Variants in CDC42SE2 observed in about 807,000 individuals in gnomAD.
The protein encoded by CDC42SE2 is CDC42 small effector protein 2.
A neutral mutation model predicts 11.5 loss-of-function variants in CDC42SE2; 3 were observed. The ratio of observed to expected loss-of-function variants is 0.26; its 90% CI spans 0.12 to 0.67. The LOEUF (loss-of-function observed/expected upper bound fraction) is 0.67. CDC42SE2 is among the 30% of genes least tolerant of loss of function. The pLI is 0.80. For synonymous variants in CDC42SE2, 33 were observed against 34.8 expected, an observed-to-expected ratio of 0.95 and a Z score of 0.18; for missense variants, 82 against 106.8, an observed-to-expected ratio of 0.77 and a Z score of 1.02.
chr5:131,229,765 C>G, the CDC42SE2 span, among the ~76,000 whole-genome samples: 2 of 152,116 alleles, frequency 1.3e-5, no homozygotes, highest in South Asian at 4.1e-4. Flanking sequence ...GAAACCCCAT[C>G]TCTATTAAGA....
At chr5:131,342,749 A>G (rs571134648) in intron 2 of CDC42SE2, among the ~76,000 whole-genome samples, 83 of 149,628 alleles carry the variant, frequency 5.5e-4, no homozygotes, top group Middle Eastern at 3.6e-3. Context: ...TTCTCGCTCT[A>G]TTACTCAGGT....
chr5:131,335,387 G>T (rs561657283), intron 2 of CDC42SE2, among the ~76,000 whole-genome samples: 1 of 152,060 alleles, frequency 6.6e-6, no homozygotes, highest in Non-Finnish European at 1.5e-5. Flanking sequence ...TTACTTCCAA[G>T]TATGTGGTCA....
chr5:131,351,470 G>T (rs962318396), intron 2 of CDC42SE2, among the ~76,000 whole-genome samples: 10 of 152,096 alleles, frequency 6.6e-5, no homozygotes, highest in Non-Finnish European at 1.3e-4. Context: ...TAGCCAGGAT[G>T]GTCTCGATCT....
At chr5:131,342,572 T>C (rs1406185256) in intron 2 of CDC42SE2, among the ~76,000 whole-genome samples, 1 of 151,566 alleles carries the variant, frequency 6.6e-6, no homozygotes, top group Non-Finnish European at 1.5e-5. Context: ...GTATTTTTAG[T>C]AGAGATGGGA....
intron 2 of CDC42SE2, among the ~76,000 whole-genome samples, chr5:131,334,584 C>T (rs1758507852): frequency 1.3e-5 from 2 of 152,160 alleles, no homozygotes; most frequent in African/African-American, 2.4e-5. Context: ...GGCTGTGAAT[C>T]TATGTGGTCC....
rs74341491 is a variant in CDC42SE2 at position 131,351,269 on chromosome 5, T to C, written c.-285-7940T>C. Among the ~76,000 whole-genome samples the C allele has an allele frequency of 9.8e-3, 1,485 of 151,846 alleles. 25 individuals carry two copies. Among genetic ancestry groups the C allele is most frequent in the African/African-American group, 0.034 (1,397 of 41,430 alleles). ...TCAGCCCTGATTTTCCTTTTTTTTTTCCTGAGACGGAGTCTCGCTCTGTTG... is the reference window on the plus strand; with the variant it reads ...TCAGCCCTGATTTTCCTTTTTTTTTCCCTGAGACGGAGTCTCGCTCTGTTG... On this transcript the variant is annotated intron_variant, in intron 2 of 4. Transcript: ENST00000505065.
At chr5:131,236,480 G>T in the CDC42SE2 span, among the ~76,000 whole-genome samples, 1 of 152,110 alleles carries the variant, frequency 6.6e-6, no homozygotes, top group East Asian at 1.9e-4. Flanking sequence ...AGGCTGGAGT[G>T]CAGTGGCATG....
chr5:131,336,763 C>T (rs1031747640), intron 2 of CDC42SE2, among the ~76,000 whole-genome samples: 3 of 152,158 alleles, frequency 2.0e-5, no homozygotes, highest in Admixed American at 6.5e-5. Flanking sequence ...TTGATCGCAT[C>T]GGTTACTGAG....
chr5:131,368,117 G>C (rs1749910421), intron 3 of CDC42SE2, among the ~76,000 whole-genome samples: 1 of 152,040 alleles, frequency 6.6e-6, no homozygotes, highest in Non-Finnish European at 1.5e-5. Flanking sequence ...GCTGGGCGTG[G>C]TGGCGGACGC....
rs1359156519 is a variant in CDC42SE2 at position 131,333,305 on chromosome 5, C to G, written c.-286+17161C>G. Among the ~76,000 whole-genome samples the G allele has an allele frequency of 2.6e-5, 4 of 152,174 alleles. No homozygotes were observed. The East Asian group carries it at 5.8e-4, about 22-fold the overall frequency. On this transcript the variant is annotated intron_variant, in intron 2 of 4. Coordinates refer to ENST00000505065, the MANE Select transcript of CDC42SE2 (RefSeq NM_001375635.1). ...ATGTGCGGCATTATTTCTGAGGGCT[C>G]TGCTCTGTTCCATTGGTCTATATCT...
At chr5:131,379,431 C>G (rs541252828) in intron 3 of CDC42SE2, among the ~76,000 whole-genome samples, 3 of 152,148 alleles carry the variant, frequency 2.0e-5, no homozygotes, top group Non-Finnish European at 2.9e-5. Flanking sequence ...TTTCTAGAAG[C>G]TACAGTTGAT....
chr5:131,303,444 A>C (rs768746986), intron 1 of CDC42SE2, among the ~76,000 whole-genome samples: 1 of 152,236 alleles, frequency 6.6e-6, no homozygotes, highest in African/African-American at 2.4e-5. Flanking sequence ...AAAGTACTCA[A>C]AATGTTACTG....
chr5:131,231,048 A>G, the CDC42SE2 span, among the ~76,000 whole-genome samples: 4 of 152,250 alleles, frequency 2.6e-5, no homozygotes, highest in Admixed American at 1.3e-4. Flanking sequence ...TTTTACGTAA[A>G]TGTTTATCAG....
At chr5:131,313,934 C>T (rs1286450704) in intron 1 of CDC42SE2, among the ~76,000 whole-genome samples, 4 of 152,094 alleles carry the variant, frequency 2.6e-5, no homozygotes, top group Non-Finnish European at 4.4e-5. Context: ...TTCAAGCGAT[C>T]CTCCTGCCTC....
intron 1 of CDC42SE2, among the ~76,000 whole-genome samples, chr5:131,312,876 T>C (rs536887295): frequency 6.6e-6 from 1 of 152,274 alleles, no homozygotes; most frequent in South Asian, 2.1e-4. Flanking sequence ...GTACCTCAGA[T>C]GGAAATGCAG....
chr5:131,376,116 G>C (rs545398943), intron 3 of CDC42SE2, among the ~76,000 whole-genome samples: 2 of 152,202 alleles, frequency 1.3e-5, no homozygotes, highest in South Asian at 2.1e-4. Context: ...GTGCATGCCT[G>C]TAATTCCAGC....
intron 4 of CDC42SE2, among the ~76,000 whole-genome samples, chr5:131,388,364 G>A (rs1028675320): frequency 6.6e-6 from 1 of 152,116 alleles, no homozygotes. Context: ...GAAAAATTAT[G>A]TTCTCCTATG....
At chr5:131,281,240 C>T (rs974554676) in intron 1 of CDC42SE2, among the ~76,000 whole-genome samples, 3 of 152,142 alleles carry the variant, frequency 2.0e-5, no homozygotes, top group Admixed American at 6.5e-5. Context: ...GTCTTTTTCT[C>T]TTCAGTAGCT....
In CDC42SE2 at chr5:131,342,388, C is replaced by CTTTTTTTTTTTTTTTTTTTTTTTTTT. The variant is rs35818778; in HGVS notation, c.-285-16802_-285-16801insTTTTTTTTTTTTTTTTTTTTTTTTTT. On this transcript the variant is annotated intron_variant, in intron 2 of 4. Transcript: ENST00000505065. ...TCAGAGATTTGCCATTTTTAATAGT[C>CTTTTTTTTTTTTTTTTTTTTTTTTTT]TTTTTTTTTTTTTTTTTTTAAGATA... Among the ~76,000 whole-genome samples, 38 of 111,308 alleles carry CTTTTTTTTTTTTTTTTTTTTTTTTTT rather than the reference C, an allele frequency of 3.4e-4. 5 individuals carry two copies. Among genetic ancestry groups the CTTTTTTTTTTTTTTTTTTTTTTTTTT allele is most frequent in the African/African-American group, 1.2e-3 (26 of 22,570 alleles). The allele number at this position is 111,308 out of a possible 152,430, so 73.0% of individuals were successfully genotyped here.
Sources: allele counts gnomAD v4.1 joint callset (sites outside exome capture counted in the v4.1 genomes callset), GRCh38; gene constraint gnomAD v4.1.1; transcripts MANE v1.5; gene names NCBI Gene and HGNC (gene_info 2026-07-23, HGNC 2026-07-21).